The following STK3 variants were observed in gnomAD, a reference collection of about 807,000 sequenced individuals.
The protein encoded by STK3 is serine/threonine kinase 3, also known as serine/threonine-protein kinase 3.
Under a neutral mutation model 58.0 loss-of-function variants are expected in STK3, and 41 were observed. The ratio of observed to expected loss-of-function variants is 0.71; its 90% confidence interval spans 0.55 to 0.92. The LOEUF (loss-of-function observed/expected upper bound fraction) is 0.92. Among genes scored for constraint, STK3 ranks in the 40% least tolerant of loss-of-function variants. STK3 has a pLI of 0.00. For missense variants in STK3, 479 were observed against 602.7 expected (o/e 0.79, Z 2.15); for synonymous variants, 170 against 191.0 (o/e 0.89, Z 0.91).
chr8:98,735,393 T>C (rs1170461724), intron 4 of STK3, among the ~76,000 whole-genome samples: 1 of 152,138 alleles, frequency 6.6e-6, no homozygotes. Context: ...ACAAAGAAGT[T>C]TCATCAAACT....
At chr8:98,771,125 T>C (rs1326418531) in intron 2 of STK3, among the ~76,000 whole-genome samples, 4 of 152,220 alleles carry the variant, frequency 2.6e-5, no homozygotes, top group Admixed American at 6.5e-5. Context: ...CCAAAATATA[T>C]AGAATCTGCT....
intron 4 of STK3, among the ~76,000 whole-genome samples, chr8:98,717,190 TA>T (rs919095209): frequency 1.6e-4 from 23 of 141,652 alleles, no homozygotes; most frequent in Admixed American, 2.1e-4. Flanking sequence ...TCATGAAAAT[TA>T]AAAAAAAAAA....
At chr8:98,922,028 C>T (rs1839585052) in intron 1 of STK3, among the ~76,000 whole-genome samples, 1 of 152,130 alleles carries the variant, frequency 6.6e-6, no homozygotes, top group Admixed American at 6.5e-5. Context: ...TTCTCCTTCT[C>T]ACTACAGAGG....
At position 98,455,665 on chromosome 8, in the gene STK3, C is replaced by T; in HGVS notation, c.*177G>A. ...TCCTCATCTTAGAGTGAATGCACAG[C>T]AGATACAACTGTCAATTCTGCCTTT... On this transcript the variant is annotated 3_prime_UTR_variant, in exon 11 of 11. Coordinates refer to ENST00000419617, the MANE Select transcript of STK3 (RefSeq NM_006281.4). The T allele has an allele frequency of 1.5e-6, 1 of 651,260 alleles. No individual in the cohort carries two copies. The allele number at this position is 651,260 out of a possible 1,614,324, so 40.3% of individuals were successfully genotyped here.
At chr8:98,550,955 G>A (rs1309595582) in intron 8 of STK3, among the ~76,000 whole-genome samples, 1 of 152,114 alleles carries the variant, frequency 6.6e-6, no homozygotes, top group African/African-American at 2.4e-5. Context: ...CTTCATTAAA[G>A]CTAAACATTT....
chr8:98,536,160 G>A (rs1031498006), intron 9 of STK3, among the ~76,000 whole-genome samples: 1 of 152,134 alleles, frequency 6.6e-6, no homozygotes, highest in Non-Finnish European at 1.5e-5. Context: ...CACCACCAAT[G>A]TTGTAGTGTC....
chr8:98,712,496 AAAACAGACGTT>A (rs1428381270), intron 4 of STK3, among the ~76,000 whole-genome samples: 1 of 151,366 alleles, frequency 6.6e-6, no homozygotes, highest in Admixed American at 6.6e-5. Flanking sequence ...AGTCTCTGAT[AAAACAGACGTT>A]AAACCAACAA....
intron 3 of STK3, among the ~76,000 whole-genome samples, chr8:98,404,942 G>A (rs951034833): frequency 6.6e-6 from 1 of 152,168 alleles, no homozygotes; most frequent in Non-Finnish European, 1.5e-5. Context: ...CTAGGGTTGA[G>A]AGAGTCAATC....
chr8:98,637,934 T>G (rs1283018975), intron 6 of STK3, among the ~76,000 whole-genome samples: 3 of 152,180 alleles, frequency 2.0e-5, no homozygotes, highest in Non-Finnish European at 4.4e-5. Context: ...TTTAAATATC[T>G]TATTAGGTGT....
At chr8:98,927,615 A>G (rs1839849085) in intron 1 of STK3, among the ~76,000 whole-genome samples, 2 of 152,272 alleles carry the variant, frequency 1.3e-5, no homozygotes, top group African/African-American at 4.8e-5. Flanking sequence ...ACAGATAAAG[A>G]AACTGAAGCA....
chr8:98,848,506 T>C (rs894382513), intron 3 of STK3, among the ~76,000 whole-genome samples: 2 of 152,098 alleles, frequency 1.3e-5, no homozygotes, highest in African/African-American at 4.8e-5. Context: ...GCCTCGGCCT[T>C]TCAAAGTGCT....
downstream of STK3, chr8:98,882,796 A>G (rs1188604439): frequency 6.6e-6 from 1 of 152,230 alleles, no homozygotes; most frequent in East Asian, 1.9e-4. Context: ...GGCCACTCAG[A>G]TTAAGGAAGA....
chr8:98,406,212 C>T (rs1817990868), intron 3 of STK3, among the ~76,000 whole-genome samples: 1 of 151,902 alleles, frequency 6.6e-6, no homozygotes, highest in Non-Finnish European at 1.5e-5. Context: ...GCTTACTTAT[C>T]TTCCCCCCAG....
intron 10 of STK3, among the ~76,000 whole-genome samples, chr8:98,469,660 T>C (rs1051049487): frequency 1.3e-5 from 2 of 152,252 alleles, no homozygotes; most frequent in Non-Finnish European, 2.9e-5. Context: ...TTGAATAATA[T>C]ACATTAATAT....
intron 1 of STK3, among the ~76,000 whole-genome samples, chr8:98,382,383 A>G (rs746730374): frequency 8.5e-5 from 13 of 152,222 alleles, no homozygotes; most frequent in Non-Finnish European, 1.8e-4. Flanking sequence ...CGCAGTGTAC[A>G]TAACATTTTG....
intron 1 of STK3, among the ~76,000 whole-genome samples, chr8:98,920,976 G>T (rs1839536443): frequency 6.6e-6 from 1 of 152,226 alleles, no homozygotes; most frequent in African/African-American, 2.4e-5. Flanking sequence ...TGGTTGGTTG[G>T]TTGAGTGGTT....
chr8:98,440,005 G>A (rs1346809666), intron 1 of STK3, among the ~76,000 whole-genome samples: 1 of 152,240 alleles, frequency 6.6e-6, no homozygotes, highest in Admixed American at 6.5e-5. Context: ...GCTAGGACTT[G>A]CAGGGAGAGG....
chr8:98,664,645 A>G (rs998511225), intron 6 of STK3, among the ~76,000 whole-genome samples: 3 of 152,242 alleles, frequency 2.0e-5, no homozygotes, highest in Non-Finnish European at 4.4e-5. Context: ...GGTACTTTAT[A>G]TTACTATGCA....
At chr8:98,370,342 AGTGTGTGT>A (rs35062643), downstream of STK3, among the ~76,000 whole-genome samples, 71 of 138,616 alleles carry the variant, frequency 5.1e-4, no homozygotes, top group South Asian at 1.3e-3. Context: ...TGACCTCTGC[AGTGTGTGT>A]GTGTGTGTGT....
Sources: gnomAD v4.1 joint callset for allele counts (sites outside exome capture counted in the v4.1 genomes callset) on GRCh38, gnomAD v4.1.1 for gene constraint, MANE v1.5 for transcripts, NCBI Gene and HGNC (gene_info 2026-07-23, HGNC 2026-07-21) for gene names.